The following RSPH14 variants were observed in gnomAD, a reference collection of about 807,000 sequenced individuals.
RSPH14 encodes the protein rhabdoid tumor deletion region gene 1.
A neutral mutation model predicts 26.7 loss-of-function variants in RSPH14; 20 were observed. The ratio of observed to expected loss-of-function variants is 0.75; its 90% confidence interval spans 0.53 to 1.09. The LOEUF (loss-of-function observed/expected upper bound fraction) is 1.09. Ranked by LOEUF, RSPH14 falls within the 50% of genes least tolerant of loss-of-function variation. The pLI is 0.00. For missense variants in RSPH14, 449 were observed against 457.2 expected, an observed-to-expected ratio of 0.98 and a Z score of 0.16; for synonymous variants, 177 against 189.3, an observed-to-expected ratio of 0.93 and a Z score of 0.53.
At position 23,140,067 on chromosome 22, in the gene RSPH14, A is replaced by C. The variant is rs1569197786; in HGVS notation, c.199+155T>G. Among the ~76,000 whole-genome samples, 2 of 152,296 alleles carry C rather than the reference A, an allele frequency of 1.3e-5. 1 individual carries two copies. Among genetic ancestry groups the C allele is most frequent in the South Asian group, 4.1e-4 (2 of 4,824 alleles). ...TGGCAAGACCCTCCCTCAATAAATAAACATTTTTTAAAAAGAACCCGGGCA... is the reference window on the plus strand; with the variant it reads ...TGGCAAGACCCTCCCTCAATAAATACACATTTTTTAAAAAGAACCCGGGCA... On this transcript the variant is annotated intron_variant, in intron 2 of 6. Coordinates refer to ENST00000216036, the MANE Select transcript of RSPH14 (RefSeq NM_014433.3).
intron 4 of RSPH14, among the ~76,000 whole-genome samples, chr22:23,080,454 G>A (rs970151719): frequency 3.9e-5 from 6 of 152,366 alleles, no homozygotes; most frequent in African/African-American, 1.4e-4. Flanking sequence ...TCTGTAGGAT[G>A]GGGACACTGT....
At chr22:23,108,155 C>G (rs1423774341) in intron 4 of RSPH14, among the ~76,000 whole-genome samples, 3 of 152,242 alleles carry the variant, frequency 2.0e-5, no homozygotes, top group African/African-American at 7.2e-5. Context: ...CCAGGCAATC[C>G]CAACCCCTGC....
chr22:23,101,118 A>G (rs2069290035), intron 4 of RSPH14, among the ~76,000 whole-genome samples: 1 of 152,190 alleles, frequency 6.6e-6, no homozygotes, highest in Non-Finnish European at 1.5e-5. Context: ...CCAGACACAG[A>G]TGATACCCTC....
the RSPH14 span, among the ~76,000 whole-genome samples, chr22:23,155,778 G>A: frequency 6.6e-6 from 1 of 152,152 alleles, no homozygotes; most frequent in South Asian, 2.1e-4. Flanking sequence ...GTCCACTGGG[G>A]GCACCCTAGG....
At chr22:23,167,958 C>G in the RSPH14 span, among the ~76,000 whole-genome samples, 2 of 152,124 alleles carry the variant, frequency 1.3e-5, no homozygotes, top group Non-Finnish European at 1.5e-5. Flanking sequence ...GCAATCCCCC[C>G]ACCCCAGCCT....
At chr22:23,155,135 G>GA in the RSPH14 span, among the ~76,000 whole-genome samples, 3 of 151,924 alleles carry the variant, frequency 2.0e-5, no homozygotes. Context: ...CAAAAAAAAA[G>GA]AAAAAAATCA....
At chr22:23,140,570 T>C (rs1402938195) in intron 1 of RSPH14, 98 bp from the exon 2 acceptor site, 1 of 1,313,388 alleles carries the variant, frequency 7.6e-7, no homozygotes, top group African/African-American at 1.5e-5. Context: ...ATGGGTATTT[T>C]TACTTTCATT....
chr22:23,147,032 TA>T (rs1353849492), upstream of RSPH14, among the ~76,000 whole-genome samples: 1 of 151,268 alleles, frequency 6.6e-6, no homozygotes, highest in Non-Finnish European at 1.5e-5. Context: ...ATTCCTCTCA[TA>T]TTGGGTGCCT....
intron 4 of RSPH14, chr22:23,095,589 C>A: frequency 2.4e-6 from 3 of 1,276,538 alleles, no homozygotes; most frequent in Non-Finnish European, 2.1e-6. Context: ...GCACTGAGTG[C>A]CTCCAGGGCA....
rs561272251 is a variant in RSPH14, at chr22:23,083,283, C to T, written c.422-19150G>A. Among the ~76,000 whole-genome samples, 19 of 152,088 alleles carry T rather than the reference C, an allele frequency of 1.2e-4. No individual in the cohort carries two copies. The East Asian group carries it at 2.5e-3, about 20-fold the overall frequency. On this transcript the variant is annotated intron_variant, in intron 4 of 6. Coordinates refer to ENST00000216036, the MANE Select transcript of RSPH14 (RefSeq NM_014433.3). ...AGGGTAGACCCAGGCAGAGGGGTCC[C>T]AGGGGAATCCAGTAGAGCTGGCCCA... is the stretch of plus-strand genomic sequence containing the variant.
rs148159354 is a variant in RSPH14, at chr22:23,101,216, G to A, written c.421+32810C>T. On this transcript the variant is annotated intron_variant, in intron 4 of 6. Transcript: ENST00000216036. Reference sequence around the variant, plus strand: ...AGCCGGCTTTGCAGATGAGGAAACTGAGCCTCAGAGAGGTTCCTTCACATA... The same window carrying A: ...AGCCGGCTTTGCAGATGAGGAAACTAAGCCTCAGAGAGGTTCCTTCACATA... Among the ~76,000 whole-genome samples, 36 of 152,288 alleles carry A rather than the reference G, an allele frequency of 2.4e-4. No individual in the cohort carries two copies. The East Asian group carries it at 6.4e-3, about 27-fold the overall frequency.
At chr22:23,067,310 C>T (rs1174908304) in intron 4 of RSPH14, among the ~76,000 whole-genome samples, 2 of 152,178 alleles carry the variant, frequency 1.3e-5, no homozygotes, top group African/African-American at 4.8e-5. Flanking sequence ...GCTGAGTGGG[C>T]TCAGTCACCA....
the RSPH14 span, chr22:23,180,729 T>C: frequency 3.4e-5 from 5 of 148,074 alleles, no homozygotes; most frequent in Admixed American, 2.7e-4. Flanking sequence ...CCGCACACAA[T>C]AGCGGCGCGC....
At chr22:23,142,384 T>G (rs2070620595), upstream of RSPH14, among the ~76,000 whole-genome samples, 1 of 152,108 alleles carries the variant, frequency 6.6e-6, no homozygotes, top group South Asian at 2.1e-4. Context: ...GGCGCGATCT[T>G]GACTCACTGC....
At chr22:23,145,557 T>C (rs769647298), upstream of RSPH14, 4 of 1,598,466 alleles carry the variant, frequency 2.5e-6, no homozygotes, top group Non-Finnish European at 3.4e-6. Context: ...CGCTGGTGAG[T>C]CAGCTCGCCC....
intron 4 of RSPH14, among the ~76,000 whole-genome samples, chr22:23,073,552 A>G (rs761626437): frequency 1.3e-5 from 2 of 152,168 alleles, no homozygotes; most frequent in Non-Finnish European, 2.9e-5. Flanking sequence ...ACCCAAAGCC[A>G]AGAGTGCCCT....
At chr22:23,173,524 T>A in the RSPH14 span, among the ~76,000 whole-genome samples, 17 of 152,096 alleles carry the variant, frequency 1.1e-4, no homozygotes, top group Non-Finnish European at 1.9e-4. Flanking sequence ...CACTAAAACT[T>A]CAACCTCCCT....
chr22:23,169,817 C>A, the RSPH14 span, among the ~76,000 whole-genome samples: 2 of 152,064 alleles, frequency 1.3e-5, no homozygotes, highest in Admixed American at 1.3e-4. Context: ...GAAAAAGGTA[C>A]CTTGGCTGGG....
At chr22:23,149,252 A>G (rs966247741), upstream of RSPH14, among the ~76,000 whole-genome samples, 13 of 152,192 alleles carry the variant, frequency 8.5e-5, no homozygotes, top group East Asian at 1.9e-4. Flanking sequence ...AACAGCCTCA[A>G]TGGTGTCCTT....
Sources: gnomAD v4.1 joint callset for allele counts (sites outside exome capture counted in the v4.1 genomes callset) on GRCh38, gnomAD v4.1.1 for gene constraint, MANE v1.5 for transcripts, NCBI Gene and HGNC (gene_info 2026-07-23, HGNC 2026-07-21) for gene names.